The following WASHC5 variants were observed in gnomAD, a reference collection of about 807,000 sequenced individuals.
The protein encoded by WASHC5 is WASH complex subunit strumpellin.
Under a neutral mutation model 150.4 loss-of-function variants are expected in WASHC5, and 101 were observed. The ratio of observed to expected loss-of-function variants is 0.67; its 90% CI spans 0.57 to 0.79. The LOEUF is 0.79. WASHC5 is among the 30% of genes least tolerant of loss of function. WASHC5 has a pLI of 0.00. For synonymous variants in WASHC5, 467 were observed against 491.2 expected (o/e 0.95, Z 0.65); for missense variants, 1,195 against 1,396.3 (o/e 0.86, Z 2.30).
intron 11 of WASHC5, among the ~76,000 whole-genome samples, chr8:125,063,157 C>G (rs553958343): frequency 1.1e-3 from 171 of 151,714 alleles, no homozygotes; most frequent in Non-Finnish European, 1.9e-3. Context: ...TCCTTTCCCC[C>G]CTTTCCCCAA....
intron 10 of WASHC5, among the ~76,000 whole-genome samples, chr8:125,064,233 C>CA (rs992938305): frequency 6.6e-6 from 1 of 152,034 alleles, no homozygotes; most frequent in African/African-American, 2.4e-5. Flanking sequence ...GACAGGGTCT[C>CA]ACTCTGTTGC....
At chr8:125,028,815 A>G in intron 27 of WASHC5, 108 bp from the exon 28 acceptor site, 1 of 769,120 alleles carries the variant, frequency 1.3e-6, no homozygotes, top group Admixed American at 2.0e-5. Context: ...ATGAAGTCAA[A>G]GATGAACAAA....
intron 7 of WASHC5, among the ~76,000 whole-genome samples, chr8:125,075,942 A>T (rs912555645): frequency 6.6e-6 from 1 of 152,236 alleles, no homozygotes; most frequent in African/African-American, 2.4e-5. Context: ...CATTACAGTT[A>T]GCTTATAGGT....
chr8:125,048,242 C>T (rs1414810887), intron 19 of WASHC5, among the ~76,000 whole-genome samples: 1 of 152,172 alleles, frequency 6.6e-6, no homozygotes, highest in African/African-American at 2.4e-5. Context: ...TAGACTTAAA[C>T]TTTTGAAAAT....
chr8:125,035,494 A>C (rs1374828240), intron 26 of WASHC5, among the ~76,000 whole-genome samples: 3 of 152,216 alleles, frequency 2.0e-5, no homozygotes, highest in Non-Finnish European at 4.4e-5. Context: ...CTTCAGATGA[A>C]CCTTTACATT....
In WASHC5 at chr8:125,083,810, A is replaced by C; in HGVS notation, c.89T>G (p.Leu30Trp). The C allele has an allele frequency of 1.4e-5, 22 of 1,613,168 alleles. No individual in the cohort carries two copies. The highest frequency in any genetic ancestry group is 1.7e-5 in the Non-Finnish European group (20 of 1,179,154). The change falls in exon 2 of 29, where the codon TTG becomes TGG. Residue 30 changes from leucine to tryptophan, a missense_variant. Transcript: ENST00000318410. ...SCGNAIIAEL[L>W]RLSEFIPAVF... Reference sequence around the variant, plus strand: ...AGCAGGAATAAACTCAGAGAGTCTCAAAAGTTCAGCAATGATGGCATTACC... The same window carrying C: ...AGCAGGAATAAACTCAGAGAGTCTCCAAAGTTCAGCAATGATGGCATTACC...
intron 9 of WASHC5, among the ~76,000 whole-genome samples, chr8:125,072,476 T>G (rs1816928188): frequency 6.6e-6 from 1 of 151,824 alleles, no homozygotes; most frequent in Admixed American, 6.6e-5. Context: ...CAGGCTCAAG[T>G]GATCTTCCCA....
At chr8:125,041,758 T>C (rs116403488) in intron 23 of WASHC5, among the ~76,000 whole-genome samples, 1 of 152,198 alleles carries the variant, frequency 6.6e-6, no homozygotes, top group Non-Finnish European at 1.5e-5. Context: ...TTGACCACTA[T>C]TCATACAAGA....
intron 1 of WASHC5, among the ~76,000 whole-genome samples, chr8:125,085,947 C>A (rs1817407004): frequency 6.6e-6 from 1 of 152,164 alleles, no homozygotes; most frequent in African/African-American, 2.4e-5. Flanking sequence ...CTGCAACAAT[C>A]ATTTTTCTTA....
intron 23 of WASHC5, among the ~76,000 whole-genome samples, chr8:125,041,041 A>G (rs749409090): frequency 2.6e-5 from 4 of 152,246 alleles, no homozygotes; most frequent in Non-Finnish European, 5.9e-5. Context: ...TAACTACAGT[A>G]CTTTAAAAGT....
At chr8:125,080,008 A>G (rs28685667) in intron 5 of WASHC5, among the ~76,000 whole-genome samples, 19,736 of 152,192 alleles carry the variant, frequency 0.13, 3,124 homozygotes, top group African/African-American at 0.38. Context: ...TTTTCTTGGC[A>G]AGCTGTTCCT....
intron 17 of WASHC5, among the ~76,000 whole-genome samples, chr8:125,054,378 G>A (rs1816340756): frequency 6.6e-6 from 1 of 152,214 alleles, no homozygotes; most frequent in African/African-American, 2.4e-5. Context: ...AATGCCATAT[G>A]CTAAAAATAA....
At chr8:125,041,642 A>C (rs181379477) in intron 23 of WASHC5, among the ~76,000 whole-genome samples, 10 of 152,144 alleles carry the variant, frequency 6.6e-5, no homozygotes, top group Middle Eastern at 3.4e-3. Flanking sequence ...CTGTCTCAAA[A>C]AAAAAAGAAA....
intron 9 of WASHC5, 56 bp from the exon 10 acceptor site, chr8:125,067,775 A>G (rs1346147326): frequency 3.2e-6 from 5 of 1,552,774 alleles, no homozygotes; most frequent in Non-Finnish European, 4.4e-6. Flanking sequence ...TATCTATGAA[A>G]TAAGATAAAT....
intron 23 of WASHC5, among the ~76,000 whole-genome samples, chr8:125,041,394 C>T (rs1815881913): frequency 6.6e-6 from 1 of 152,168 alleles, no homozygotes; most frequent in African/African-American, 2.4e-5. Context: ...AATCCCAGCA[C>T]TTTGGGAGGC....
At chr8:125,025,739 TA>T (rs1304243063) in intron 28 of WASHC5, among the ~76,000 whole-genome samples, 1 of 152,054 alleles carries the variant, frequency 6.6e-6, no homozygotes, top group African/African-American at 2.4e-5. Flanking sequence ...GCTTAAAATT[TA>T]AAAAAATATT....
chr8:125,049,142 A>C lies in WASHC5; in HGVS notation c.2243T>G (p.Met748Arg), dbSNP rs760834906. The change falls in exon 19 of 29, where the codon ATG (methionine) becomes AGG (arginine). Residue 748 changes from methionine (M) to arginine (R), a missense_variant. Physicochemically the swap from Met to Arg is moderately conservative, Grantham distance 91. Coordinates refer to ENST00000318410, the MANE Select transcript of WASHC5 (RefSeq NM_014846.4). ...TTCAAAAGAACGATGGAATCCATCCATGGTCGCTCCCAACTCTTTCAGCTT... is the reference window on the plus strand; with the variant it reads ...TTCAAAAGAACGATGGAATCCATCCCTGGTCGCTCCCAACTCTTTCAGCTT... ...MPKLKELGAT[M>R]DGFHRSFEYI... 1 of 1,614,142 alleles carries C rather than the reference A, an allele frequency of 6.2e-7. No homozygotes were observed. The highest frequency in any genetic ancestry group is 8.5e-7 in the Non-Finnish European group (1 of 1,180,012).
At chr8:125,043,332 C>T (rs184913745) in intron 23 of WASHC5, among the ~76,000 whole-genome samples, 2 of 150,180 alleles carry the variant, frequency 1.3e-5, no homozygotes, top group Admixed American at 6.6e-5. Context: ...TTAATCTCTT[C>T]GTCTTTCTTA....
In WASHC5 at chr8:125,045,942, T is replaced by C. The variant is rs546052640; in HGVS notation, c.2505-1244A>G. 2.0e-5 allele frequency among the ~76,000 whole-genome samples: 3 copies of C among 152,338 alleles called. No individual in the cohort carries two copies. The South Asian group carries it at 6.2e-4, about 32-fold the overall frequency. On this transcript the variant is annotated intron_variant, in intron 20 of 28. Transcript: ENST00000318410. ...TGAAGGCTACCAAGAAAGAAGGAGC[T>C]ATACAACTTTTTGAATCACTTACTT...
Sources: allele counts gnomAD v4.1 joint callset (sites outside exome capture counted in the v4.1 genomes callset), GRCh38; gene constraint gnomAD v4.1.1; transcripts MANE v1.5; gene names NCBI Gene and HGNC (gene_info 2026-07-23, HGNC 2026-07-21).